Variants in PMFBP1 observed in about 807,000 individuals in gnomAD.
The protein encoded by PMFBP1 is polyamine-modulated factor 1-binding protein 1.
Under a neutral mutation model 137.8 loss-of-function variants are expected in PMFBP1, and 131 were observed. The ratio of observed to expected loss-of-function variants is 0.95; its 90% CI spans 0.82 to 1.10. PMFBP1 has a LOEUF of 1.10. PMFBP1 is among the 50% of genes least tolerant of loss of function. The pLI is 0.00. For synonymous variants in PMFBP1, 490 were observed against 450.4 expected (o/e 1.09, Z -1.11); for missense variants, 1,199 against 1,175.4 (o/e 1.02, Z -0.29).
At chr16:72,239,999 A>G in the PMFBP1 span, among the ~76,000 whole-genome samples, 1 of 151,640 alleles carries the variant, frequency 6.6e-6, no homozygotes, top group Non-Finnish European at 1.5e-5. Flanking sequence ...TCGAGGGTTT[A>G]GGGGTTTCTT....
At chr16:72,178,394 A>G (rs765418450), upstream of PMFBP1, among the ~76,000 whole-genome samples, 3 of 152,152 alleles carry the variant, frequency 2.0e-5, no homozygotes, top group Non-Finnish European at 2.9e-5. Flanking sequence ...GTATACAAAT[A>G]TCCTGTTTTT....
chr16:72,183,417 T>C, the PMFBP1 span, among the ~76,000 whole-genome samples: 2 of 152,202 alleles, frequency 1.3e-5, no homozygotes, highest in African/African-American at 2.4e-5. Context: ...TGCTAGCTTC[T>C]GGCAGTTTGC....
chr16:72,163,822 T>C (rs2043099730), intron 3 of PMFBP1, among the ~76,000 whole-genome samples: 1 of 151,554 alleles, frequency 6.6e-6, no homozygotes, highest in African/African-American at 2.4e-5. Flanking sequence ...AACTCAGGAA[T>C]GGGAAACCAA....
intron 5 of PMFBP1, among the ~76,000 whole-genome samples, chr16:72,141,736 A>G (rs1327100806): frequency 6.6e-6 from 1 of 151,790 alleles, no homozygotes; most frequent in Non-Finnish European, 1.5e-5. Flanking sequence ...TGAAATGAAT[A>G]CTTTTGTACA....
rs1249005036 is a variant in PMFBP1 at position 72,164,425 on chromosome 16, A to C, written c.165+339T>G. ...CATGGTTGACTTAGAAGTTTGTCTG[A>C]GATCCATAGCAGACGCTGCTCCCCT... On this transcript the variant is annotated intron_variant, in intron 3 of 20. Transcript: ENST00000237353. 1.7e-5 allele frequency: 23 copies of C among 1,328,006 alleles called. No homozygotes were observed. The Admixed American group carries it at 5.2e-4, about 30-fold the overall frequency. 82.3% of individuals were successfully genotyped at this position (1,328,006 alleles called of 1,614,324 possible).
At chr16:72,215,352 T>C in the PMFBP1 span, among the ~76,000 whole-genome samples, 1 of 149,874 alleles carries the variant, frequency 6.7e-6, no homozygotes, top group Non-Finnish European at 1.5e-5. Flanking sequence ...AATAAATGCT[T>C]CCAGAGAGAG....
chr16:72,164,945 A>T lies in PMFBP1; in HGVS notation c.13-29T>A, dbSNP rs191260585. ...GGCAGCCAGAAAAACAAAAGCATCA[A>T]TTATAAACTATCAAGAAAGTGCTGC... On this transcript the variant is annotated intron_variant, in intron 2 of 20. Coordinates refer to ENST00000237353, the MANE Select transcript of PMFBP1 (RefSeq NM_031293.3). The T allele has an allele frequency of 1.4e-5, 22 of 1,553,808 alleles. No individual in the cohort carries two copies. The East Asian group carries it at 4.1e-4, about 29-fold the overall frequency.
chr16:72,166,986 A>G (rs902093275), intron 2 of PMFBP1, among the ~76,000 whole-genome samples: 1 of 152,238 alleles, frequency 6.6e-6, no homozygotes, highest in Non-Finnish European at 1.5e-5. Context: ...TAGGGCCAGG[A>G]GAGCACATTC....
At chr16:72,137,037 G>A (rs2042642863) in intron 7 of PMFBP1, among the ~76,000 whole-genome samples, 1 of 152,178 alleles carries the variant, frequency 6.6e-6, no homozygotes, top group African/African-American at 2.4e-5. Flanking sequence ...GGTGATGATT[G>A]CCCAACCTTG....
At chr16:72,136,868 G>A in intron 7 of PMFBP1, 49 bp from the exon 8 acceptor site, 2 of 1,610,296 alleles carry the variant, frequency 1.2e-6, no homozygotes, top group South Asian at 1.1e-5. Context: ...AGACAATGGA[G>A]AGTGCTTTCT....
At chr16:72,234,539 T>C in the PMFBP1 span, among the ~76,000 whole-genome samples, 2 of 152,320 alleles carry the variant, frequency 1.3e-5, no homozygotes, top group South Asian at 4.1e-4. Context: ...ACCTGCAACA[T>C]GCTTAACAGC....
the PMFBP1 span, among the ~76,000 whole-genome samples, chr16:72,199,829 C>T: frequency 1.3e-5 from 2 of 151,928 alleles, no homozygotes; most frequent in South Asian, 2.1e-4. Context: ...TAATGCTGCA[C>T]TGGAATAGGA....
At chr16:72,227,415 T>G in the PMFBP1 span, among the ~76,000 whole-genome samples, 2 of 152,200 alleles carry the variant, frequency 1.3e-5, no homozygotes, top group Non-Finnish European at 2.9e-5. Context: ...TCTAGAACAT[T>G]TGGAAGAAAA....
At chr16:72,206,524 T>C in the PMFBP1 span, among the ~76,000 whole-genome samples, 1 of 152,196 alleles carries the variant, frequency 6.6e-6, no homozygotes, top group African/African-American at 2.4e-5. Flanking sequence ...CGCATTTACA[T>C]TGATCTAACC....
the PMFBP1 span, among the ~76,000 whole-genome samples, chr16:72,199,763 T>C: frequency 6.6e-6 from 1 of 151,090 alleles, no homozygotes; most frequent in East Asian, 2.0e-4. Context: ...CCTCTAGTGA[T>C]AGAGGGGGGA....
At position 72,140,570 on chromosome 16, in the gene PMFBP1, T is replaced by A; in HGVS notation, c.649A>T (p.Lys217Ter). Residue 217 changes from lysine to a stop codon, truncating the protein, a stop_gained, in exon 6 of 21, where the codon AAG becomes TAG. Coordinates refer to ENST00000237353, the MANE Select transcript of PMFBP1 (RefSeq NM_031293.3). LOFTEE classifies it high-confidence loss of function. ...ATCCGTACCTTTGAATGATCACCCT[T>A]GTTCTCAGGCTCCTGAGAGATTTAA... ...GGIMGQEPEN[K>*]GDHSKVRIYT... is the part of the protein sequence containing the mutation. The A allele has an allele frequency of 6.2e-7, 1 of 1,613,308 alleles. No individual in the cohort carries two copies.
At chr16:72,133,030 G>A in intron 9 of PMFBP1, 39 bp from the exon 10 acceptor site, 1 of 1,605,620 alleles carries the variant, frequency 6.2e-7, no homozygotes, top group Non-Finnish European at 8.5e-7. Flanking sequence ...AAAGGTCTGA[G>A]TGGCAGTGGG....
the PMFBP1 span, among the ~76,000 whole-genome samples, chr16:72,227,074 G>A: frequency 6.6e-6 from 1 of 151,634 alleles, no homozygotes; most frequent in Non-Finnish European, 1.5e-5. Context: ...ATGCCCCTCT[G>A]CCTGATTTCA....
At chr16:72,249,665 C>T in the PMFBP1 span, among the ~76,000 whole-genome samples, 1 of 151,320 alleles carries the variant, frequency 6.6e-6, no homozygotes, top group Non-Finnish European at 1.5e-5. Flanking sequence ...GCCTGTAATC[C>T]CAACACGTTG....
Sources: allele counts gnomAD v4.1 joint callset (sites outside exome capture counted in the v4.1 genomes callset), GRCh38; gene constraint gnomAD v4.1.1; transcripts MANE v1.5; gene names NCBI Gene and HGNC (gene_info 2026-07-23, HGNC 2026-07-21).